The following ATXN1 variants were observed in gnomAD, a reference collection of about 807,000 sequenced individuals.
ATXN1 encodes the protein ataxin 1, also known as ataxin-1.
A neutral mutation model predicts 56.4 loss-of-function variants in ATXN1; 8 were observed. The observed-to-expected ratio is 0.14, with a 90% confidence interval of 0.08 to 0.26. The LOEUF (loss-of-function observed/expected upper bound fraction) is 0.26. Ranked by LOEUF, ATXN1 falls within the 10% of genes least tolerant of loss-of-function variation. The pLI, the probability that ATXN1 is intolerant of heterozygous loss-of-function variation, is 1.00. For synonymous variants in ATXN1, 514 were observed against 494.6 expected, an observed-to-expected ratio of 1.04 and a Z score of -0.52; for missense variants, 987 against 1,106.5, an observed-to-expected ratio of 0.89 and a Z score of 1.53.
At chr6:16,597,847 G>A (rs138537319) in intron 3 of ATXN1, among the ~76,000 whole-genome samples, 15 of 152,290 alleles carry the variant, frequency 9.8e-5, no homozygotes, top group African/African-American at 3.1e-4. Context: ...GAGACCAGGA[G>A]TGCACACATC....
intron 3 of ATXN1, among the ~76,000 whole-genome samples, chr6:16,606,443 G>C (rs1763005732): frequency 6.6e-6 from 1 of 151,966 alleles, no homozygotes; most frequent in Admixed American, 6.6e-5. Context: ...CTTAAGAATA[G>C]CTCTGGAGCC....
chr6:16,624,753 ACT>A (rs573632773), intron 3 of ATXN1, among the ~76,000 whole-genome samples: 125 of 152,264 alleles, frequency 8.2e-4, no homozygotes, highest in Middle Eastern at 3.4e-3. Flanking sequence ...TGACACAACG[ACT>A]CTGCAAAAAC....
chr6:16,739,690 C>T (rs572353028), intron 2 of ATXN1: 14 of 410,524 alleles, frequency 3.4e-5, no homozygotes, highest in African/African-American at 2.2e-4. Context: ...CGGAAACAGA[C>T]GTCAGACTAT....
rs760461708 is a variant in ATXN1, at chr6:16,571,972, A to G, written c.-361+13808T>C. Among the ~76,000 whole-genome samples, 5 of 152,212 alleles carry G rather than the reference A, an allele frequency of 3.3e-5. No individual in the cohort carries two copies. The South Asian group carries it at 1.0e-3, about 32-fold the overall frequency. On this transcript the variant is annotated intron_variant, in intron 4 of 7. Coordinates refer to ENST00000436367, the MANE Select transcript of ATXN1 (RefSeq NM_001128164.2). ...GCCATCACGTTCAGCCTCTTTCTAA[A>G]TTCTACAAAAAAACATGCATTCATA... is the stretch of plus-strand genomic sequence containing the variant.
chr6:16,742,600 G>A (rs1345812136), intron 2 of ATXN1, among the ~76,000 whole-genome samples: 1 of 152,028 alleles, frequency 6.6e-6, no homozygotes, highest in East Asian at 1.9e-4. Context: ...CCAACATATG[G>A]TCGCTCACAC....
rs1758315444 is a variant in ATXN1, at chr6:16,661,320, T to C, written c.-614-3419A>G. Reference sequence around the variant, plus strand: ...TACATATATATTATTTTACAAAATATAGAAAAATAATTTTATAAGCATGAA... The same window carrying C: ...TACATATATATTATTTTACAAAATACAGAAAAATAATTTTATAAGCATGAA... On this transcript the variant is annotated intron_variant, in intron 2 of 7. Coordinates refer to ENST00000436367, the MANE Select transcript of ATXN1 (RefSeq NM_001128164.2). Among the ~76,000 whole-genome samples, 4 of 152,018 alleles carry C rather than the reference T, an allele frequency of 2.6e-5. No homozygotes were observed. The South Asian group carries it at 8.3e-4, about 31-fold the overall frequency.
intron 3 of ATXN1, among the ~76,000 whole-genome samples, chr6:16,591,616 T>C (rs929579016): frequency 6.6e-6 from 1 of 152,206 alleles, no homozygotes; most frequent in African/African-American, 2.4e-5. Context: ...CTTTGTGACA[T>C]GCTCCCATAC....
intron 2 of ATXN1, among the ~76,000 whole-genome samples, chr6:16,690,918 T>C (rs763420786): frequency 6.6e-6 from 1 of 152,092 alleles, no homozygotes; most frequent in Non-Finnish European, 1.5e-5. Flanking sequence ...AGATTTCATT[T>C]TAGGAGAGGA....
chr6:16,509,407 T>C (rs1761037672), intron 5 of ATXN1, among the ~76,000 whole-genome samples: 1 of 152,196 alleles, frequency 6.6e-6, no homozygotes, highest in Admixed American at 6.5e-5. Context: ...TTAGATAGGA[T>C]GGACAAGGAA....
chr6:16,604,156 G>T (rs1384890273), intron 3 of ATXN1, among the ~76,000 whole-genome samples: 1 of 152,032 alleles, frequency 6.6e-6, no homozygotes, highest in East Asian at 1.9e-4. Context: ...ACGATGGAAA[G>T]CAGATGGAAA....
chr6:16,720,635 C>T (rs560661386), intron 2 of ATXN1, among the ~76,000 whole-genome samples: 3 of 152,294 alleles, frequency 2.0e-5, no homozygotes, highest in Admixed American at 2.0e-4. Flanking sequence ...GGTTTACAAC[C>T]TCTCTCCAAT....
At chr6:16,473,524 G>C (rs567133889) in intron 6 of ATXN1, among the ~76,000 whole-genome samples, 25 of 152,236 alleles carry the variant, frequency 1.6e-4, no homozygotes, top group African/African-American at 4.6e-4. Flanking sequence ...TTTATTTTGA[G>C]GTCAAAGGGA....
At chr6:16,611,849 ATTTT>A (rs369870821) in intron 3 of ATXN1, among the ~76,000 whole-genome samples, 1,248 of 75,024 alleles carry the variant, frequency 0.017, 10 homozygotes, top group African/African-American at 0.058. Context: ...AGCAGATGAA[ATTTT>A]TTTTTTTTTT....
chr6:16,336,251 T>C (rs1761120588), intron 6 of ATXN1, among the ~76,000 whole-genome samples: 1 of 152,182 alleles, frequency 6.6e-6, no homozygotes, highest in Non-Finnish European at 1.5e-5. Flanking sequence ...TGATGCGGGT[T>C]ACACTCACCT....
intron 3 of ATXN1, among the ~76,000 whole-genome samples, chr6:16,616,623 AT>A (rs1283511413): frequency 6.8e-6 from 1 of 146,028 alleles, no homozygotes; most frequent in Non-Finnish European, 1.5e-5. Context: ...TATTTTATAT[AT>A]TTATATAAAA....
chr6:16,473,917 C>G (rs776284420), intron 6 of ATXN1, among the ~76,000 whole-genome samples: 1 of 152,180 alleles, frequency 6.6e-6, no homozygotes, highest in Non-Finnish European at 1.5e-5. Context: ...TCTAGGCTAA[C>G]GAGTGTTTTT....
chr6:16,578,308 G>A (rs546800334), intron 4 of ATXN1, among the ~76,000 whole-genome samples: 8 of 152,254 alleles, frequency 5.3e-5, no homozygotes, highest in African/African-American at 9.6e-5. Flanking sequence ...TAACTATGTT[G>A]ACAAATCTTC....
chr6:16,702,799 T>G (rs1375284840), intron 2 of ATXN1, among the ~76,000 whole-genome samples: 1 of 152,314 alleles, frequency 6.6e-6, no homozygotes, highest in Non-Finnish European at 1.5e-5. Flanking sequence ...TCACACCAGT[T>G]AGAATGGCAA....
intron 4 of ATXN1, among the ~76,000 whole-genome samples, chr6:16,571,053 A>G (rs1452530108): frequency 2.0e-5 from 3 of 152,216 alleles, no homozygotes; most frequent in Non-Finnish European, 4.4e-5. Context: ...GTTGAGGGTT[A>G]CACAGCAAGG....
Sources: gnomAD v4.1 joint callset for allele counts (sites outside exome capture counted in the v4.1 genomes callset) on GRCh38, gnomAD v4.1.1 for gene constraint, MANE v1.5 for transcripts, NCBI Gene and HGNC (gene_info 2026-07-23, HGNC 2026-07-21) for gene names.